PTPRD: variants seen among roughly 807,000 people sequenced by gnomAD.
PTPRD encodes the protein protein tyrosine phosphatase receptor type D, also known as receptor-type tyrosine-protein phosphatase delta.
A neutral mutation model predicts 214.5 loss-of-function variants in PTPRD; 34 were observed. That is an observed-to-expected ratio of 0.16 (90% CI 0.12 to 0.21). The LOEUF (loss-of-function observed/expected upper bound fraction) is 0.21. PTPRD is among the 10% of genes least tolerant of loss of function. The probability of loss-of-function intolerance (pLI) is 1.00; values close to 1 mark genes in which losing one functional copy is unlikely to be tolerated. For missense variants in PTPRD, 2,545 were observed against 2,398.7 expected, an observed-to-expected ratio of 1.06 and a Z score of -1.27; for synonymous variants, 1,128 against 845.7, an observed-to-expected ratio of 1.33 and a Z score of -5.79.
chr9:8,773,841 T>TG (rs1312843701), intron 11 of PTPRD, among the ~76,000 whole-genome samples: 5 of 152,236 alleles, frequency 3.3e-5, no homozygotes, highest in African/African-American at 1.2e-4. Context: ...TGCTGTTTCC[T>TG]GTCTAGAACT....
At chr9:10,170,214 C>G (rs2099192453) in intron 3 of PTPRD, among the ~76,000 whole-genome samples, 1 of 152,086 alleles carries the variant, frequency 6.6e-6, no homozygotes, top group African/African-American at 2.4e-5. Flanking sequence ...CTGTAGGGAG[C>G]ATTATTGAGA....
intron 11 of PTPRD, among the ~76,000 whole-genome samples, chr9:8,951,255 A>G (rs528738422): frequency 2.2e-4 from 33 of 149,882 alleles, no homozygotes; most frequent in Admixed American, 8.8e-4. Flanking sequence ...GGTATACTAC[A>G]CTTCTCTATT....
At chr9:9,317,105 T>A (rs1595686807) in intron 9 of PTPRD, among the ~76,000 whole-genome samples, 1 of 152,218 alleles carries the variant, frequency 6.6e-6, no homozygotes, top group African/African-American at 2.4e-5. Flanking sequence ...ATATTTTCAA[T>A]GTTTTACTTT....
At chr9:10,052,636 G>A (rs2097554995) in intron 3 of PTPRD, among the ~76,000 whole-genome samples, 1 of 152,088 alleles carries the variant, frequency 6.6e-6, no homozygotes, top group Non-Finnish European at 1.5e-5. Flanking sequence ...TTTTACAGGT[G>A]TAAAACTAAG....
chr9:9,369,378 C>T (rs969878343), intron 9 of PTPRD, among the ~76,000 whole-genome samples: 6 of 152,060 alleles, frequency 3.9e-5, no homozygotes, highest in African/African-American at 1.4e-4. Context: ...AGCATTTTTT[C>T]ATGTGTTTTT....
intron 5 of PTPRD, among the ~76,000 whole-genome samples, chr9:9,835,273 A>T (rs2056415417): frequency 6.6e-6 from 1 of 152,130 alleles, no homozygotes; most frequent in Non-Finnish European, 1.5e-5. Context: ...CTGCCATGAG[A>T]TAACCATACA....
chr9:8,940,280 C>CTTCTCTCCTTTTTT (rs2099024010), intron 11 of PTPRD, among the ~76,000 whole-genome samples: 1 of 89,050 alleles, frequency 1.1e-5, no homozygotes. Flanking sequence ...TCTCTCTCTC[C>CTTCTCTCCTTTTTT]TTTTTTTTTT....
At chr9:10,518,367 A>G (rs946306158) in intron 2 of PTPRD, among the ~76,000 whole-genome samples, 1 of 152,102 alleles carries the variant, frequency 6.6e-6, no homozygotes, top group Non-Finnish European at 1.5e-5. Flanking sequence ...AATTACCTAC[A>G]TGTAGGGCAA....
intron 3 of PTPRD, among the ~76,000 whole-genome samples, chr9:10,106,829 T>C (rs967374632): frequency 2.0e-5 from 3 of 151,994 alleles, no homozygotes; most frequent in Non-Finnish European, 2.9e-5. Context: ...AAAATGTCTA[T>C]ATGTTTCATT....
chr9:9,312,813 A>G (rs901499192), intron 9 of PTPRD, among the ~76,000 whole-genome samples: 1 of 152,208 alleles, frequency 6.6e-6, no homozygotes, highest in Non-Finnish European at 1.5e-5. Flanking sequence ...CAAATGCATA[A>G]CAATAAACAA....
chr9:10,060,803 CCTTTCTTTCTTT>C lies in PTPRD; in HGVS notation c.-544-27025_-544-27014del, dbSNP rs796867777. 6.8e-5 allele frequency among the ~76,000 whole-genome samples: 7 copies of C among 103,232 alleles called. 1 individual carries two copies. The highest frequency in any genetic ancestry group is 5.2e-4 in the African/African-American group (5 of 9,614). The allele number at this position is 103,232 out of a possible 152,430, so 67.7% of individuals were successfully genotyped here. On this transcript the variant is annotated intron_variant, in intron 3 of 45. Transcript: ENST00000381196. Reference sequence around the variant, plus strand: ...TTCTTTCTTTCTTTCTTTCTTTCTTCCTTTCTTTCTTTCTTTCTTTCTTTCTTCCTTCCTTCC... The same window carrying C: ...TTCTTTCTTTCTTTCTTTCTTTCTTCCTTTCTTTCTTTCTTCCTTCCTTCC...
At chr9:9,420,829 A>T (rs560313858) in intron 8 of PTPRD, among the ~76,000 whole-genome samples, 1 of 151,982 alleles carries the variant, frequency 6.6e-6, no homozygotes, top group Non-Finnish European at 1.5e-5. Flanking sequence ...CAGTGATTTC[A>T]CTTATGTATC....
chr9:8,659,848 C>T (rs1254564928), intron 12 of PTPRD, among the ~76,000 whole-genome samples: 1 of 152,034 alleles, frequency 6.6e-6, no homozygotes, highest in Non-Finnish European at 1.5e-5. Context: ...CATTCCTCTT[C>T]AATGATGATA....
At chr9:9,362,822 A>G (rs2056660081) in intron 9 of PTPRD, among the ~76,000 whole-genome samples, 2 of 151,372 alleles carry the variant, frequency 1.3e-5, no homozygotes, top group Non-Finnish European at 1.5e-5. Flanking sequence ...AAGTGATAGC[A>G]TAAATCAGCT....
intron 5 of PTPRD, among the ~76,000 whole-genome samples, chr9:9,824,816 A>T (rs980479464): frequency 6.6e-6 from 1 of 152,080 alleles, no homozygotes; most frequent in Non-Finnish European, 1.5e-5. Context: ...TTGCCTGGTA[A>T]GACAAAGCTC....
At chr9:8,318,038 C>A in intron 45 of PTPRD, 96 bp from the exon 46 acceptor site, 1 of 1,207,458 alleles carries the variant, frequency 8.3e-7, no homozygotes. Flanking sequence ...AAAATAACAT[C>A]TATATAGGGG....
chr9:8,738,467 T>G (rs553146362), intron 11 of PTPRD, among the ~76,000 whole-genome samples: 5 of 152,222 alleles, frequency 3.3e-5, no homozygotes, highest in African/African-American at 1.2e-4. Context: ...AAATGGCAGA[T>G]TATAGGCTTT....
At chr9:8,353,838 A>ACG (rs1554768339) in intron 39 of PTPRD, among the ~76,000 whole-genome samples, 1 of 46,660 alleles carries the variant, frequency 2.1e-5, no homozygotes, top group Admixed American at 1.9e-4. Flanking sequence ...ATATGTATAT[A>ACG]TGTATATATG....
rs143752470 is a variant in PTPRD at position 8,492,551 on chromosome 9, T to C, written c.2467+311A>G. On this transcript the variant is annotated intron_variant, in intron 27 of 45. Coordinates refer to ENST00000381196, the MANE Select transcript of PTPRD (RefSeq NM_002839.4). ...TGAATTTCATGAGTGTAGATTCTTG[T>C]TCTGTTTTGTTGATTGCTTCATCCC... Among the ~76,000 whole-genome samples, 352 of 151,604 alleles carry C rather than the reference T, an allele frequency of 2.3e-3. 1 individual carries two copies. The highest frequency in any genetic ancestry group is 7.9e-3 in the African/African-American group (328 of 41,268).
Sources: allele counts gnomAD v4.1 joint callset (sites outside exome capture counted in the v4.1 genomes callset), GRCh38; gene constraint gnomAD v4.1.1; transcripts MANE v1.5; gene names NCBI Gene and HGNC (gene_info 2026-07-23, HGNC 2026-07-21).